AKT3: variants seen among roughly 807,000 people sequenced by gnomAD.
AKT3 encodes the protein RAC-gamma serine/threonine-protein kinase.
A neutral mutation model predicts 65.3 loss-of-function variants in AKT3; 15 were observed. The observed-to-expected ratio is 0.23, with a 90% confidence interval of 0.15 to 0.35. AKT3 has a LOEUF of 0.35. Ranked by LOEUF, AKT3 falls within the 10% of genes least tolerant of loss-of-function variation. The probability of loss-of-function intolerance (pLI) is 1.00; values close to 1 mark genes in which losing one functional copy is unlikely to be tolerated. For synonymous variants in AKT3, 206 were observed against 183.8 expected, an observed-to-expected ratio of 1.12 and a Z score of -0.98; for missense variants, 243 against 576.5, an observed-to-expected ratio of 0.42 and a Z score of 5.92.
At chr1:243,666,734 G>C (rs1191740343) in intron 3 of AKT3, among the ~76,000 whole-genome samples, 1 of 152,120 alleles carries the variant, frequency 6.6e-6, no homozygotes, top group Non-Finnish European at 1.5e-5. Context: ...AATACACCTA[G>C]ACTACCCAAC....
intron 2 of AKT3, among the ~76,000 whole-genome samples, chr1:243,722,325 C>T (rs1686961159): frequency 6.6e-6 from 1 of 152,078 alleles, no homozygotes; most frequent in Admixed American, 6.5e-5. Flanking sequence ...ATTAAAATAG[C>T]AACAACCTAA....
chr1:243,514,147 A>G (rs115992141), intron 12 of AKT3, among the ~76,000 whole-genome samples: 1 of 152,288 alleles, frequency 6.6e-6, no homozygotes, highest in Non-Finnish European at 1.5e-5. Flanking sequence ...TATCTTTCCA[A>G]TCAGAAGTTA....
At chr1:243,528,211 G>A (rs1671287668) in intron 12 of AKT3, among the ~76,000 whole-genome samples, 1 of 151,940 alleles carries the variant, frequency 6.6e-6, no homozygotes, top group South Asian at 2.1e-4. Flanking sequence ...TTTCTATGTA[G>A]CTCCAATTTC....
At chr1:243,809,877 A>T (rs1558833018) in intron 2 of AKT3, among the ~76,000 whole-genome samples, 1 of 152,180 alleles carries the variant, frequency 6.6e-6, no homozygotes, top group Non-Finnish European at 1.5e-5. Flanking sequence ...GGATTAAGAA[A>T]CTCACTCAAA....
chr1:243,569,754 C>T (rs1674421920), intron 9 of AKT3, among the ~76,000 whole-genome samples: 1 of 152,116 alleles, frequency 6.6e-6, no homozygotes, highest in Admixed American at 6.5e-5. Flanking sequence ...CATAAACTAG[C>T]AAGAAATTAA....
At chr1:243,656,240 C>T (rs1285082283) in intron 4 of AKT3, among the ~76,000 whole-genome samples, 4 of 151,752 alleles carry the variant, frequency 2.6e-5, no homozygotes, top group Non-Finnish European at 5.9e-5. Context: ...AATGGAGACC[C>T]CTATGAAACA....
intron 2 of AKT3, among the ~76,000 whole-genome samples, chr1:243,720,325 TA>T (rs1351708806): frequency 2.8e-5 from 4 of 144,982 alleles, no homozygotes; most frequent in Non-Finnish European, 6.0e-5. Flanking sequence ...AAAATAAAAA[TA>T]AAAATGGTTA....
At chr1:243,839,030 A>G (rs1157806767) in intron 2 of AKT3, among the ~76,000 whole-genome samples, 1 of 152,214 alleles carries the variant, frequency 6.6e-6, no homozygotes, top group Non-Finnish European at 1.5e-5. Context: ...CTAGTTATAC[A>G]TTATATTTTA....
chr1:243,583,175 TATATATATATATATATATATACAC>T lies in AKT3; in HGVS notation c.697-10151_697-10128del, dbSNP rs1558632283. On this transcript the variant is annotated intron_variant, in intron 8 of 13. Coordinates refer to ENST00000673466, the MANE Select transcript of AKT3 (RefSeq NM_005465.7). Reference sequence around the variant, plus strand: ...TCTTCCATGTATATGTGTGTGTATATATATATATATATATATATATACACACACACACACACACATATATCTTCC... The same window carrying T: ...TCTTCCATGTATATGTGTGTGTATATACACACACACACACATATATCTTCC... Among the ~76,000 whole-genome samples, 29 of 116,068 alleles carry T rather than the reference TATATATATATATATATATATACAC, an allele frequency of 2.5e-4. No homozygotes were observed. In the East Asian group the frequency reaches 3.9e-3, roughly 15 times the overall value. The allele number at this position is 116,068 out of a possible 152,430, so 76.1% of individuals were successfully genotyped here. A position where few individuals can be genotyped will look rare whatever the true frequency, so the allele number is the denominator to read the frequency against.
chr1:243,598,093 T>C (rs1307270704), intron 8 of AKT3, among the ~76,000 whole-genome samples: 3 of 152,222 alleles, frequency 2.0e-5, no homozygotes, highest in Admixed American at 2.0e-4. Flanking sequence ...GAGAAAATTA[T>C]GACAGTACAC....
rs562933862 is a variant in AKT3 at position 243,629,755 on chromosome 1, G to T, written c.561+7856C>A. ...TGCAGTGAGCCGAGATCGCGCCACTGCACTCCAGCCTGGGCGACTGAGTGA... is the reference window on the plus strand; with the variant it reads ...TGCAGTGAGCCGAGATCGCGCCACTTCACTCCAGCCTGGGCGACTGAGTGA... On this transcript the variant is annotated intron_variant, in intron 6 of 13. Transcript: ENST00000673466. 3.3e-5 allele frequency among the ~76,000 whole-genome samples: 5 copies of T among 152,294 alleles called. No homozygotes were observed. The East Asian group carries it at 7.7e-4, about 23-fold the overall frequency.
chr1:243,587,547 C>T (rs1675900577), intron 8 of AKT3, among the ~76,000 whole-genome samples: 2 of 152,062 alleles, frequency 1.3e-5, no homozygotes. Flanking sequence ...GGAGGTGGAG[C>T]TTGCAGTAAG....
Position 243,804,070 on chromosome 1 carries a change from C to G in AKT3, c.46+39055G>C, listed in dbSNP as rs192499918. Among the ~76,000 whole-genome samples the G allele has an allele frequency of 1.4e-3, 208 of 152,332 alleles. 2 individuals are homozygous for G. The highest frequency in any genetic ancestry group is 0.011 in the Admixed American group (163 of 15,310). On this transcript the variant is annotated intron_variant, in intron 2 of 13. Coordinates refer to ENST00000673466, the MANE Select transcript of AKT3 (RefSeq NM_005465.7). ...GACCCTTGACATCATCATCAGGGTT[C>G]TAGATCCACGCATGCCTGAGATCAG...
intron 2 of AKT3, among the ~76,000 whole-genome samples, chr1:243,757,778 T>C (rs565886423): frequency 6.6e-6 from 1 of 151,864 alleles, no homozygotes; most frequent in Non-Finnish European, 1.5e-5. Flanking sequence ...TTTTTTTTTT[T>C]CATATGGAAT....
At chr1:243,843,038 G>C in intron 2 of AKT3, 87 bp downstream of exon 2, 3 of 1,352,638 alleles carry the variant, frequency 2.2e-6, no homozygotes, top group Non-Finnish European at 3.1e-6. Context: ...CAGTTTAACA[G>C]TATCAGAAAA....
chr1:243,768,158 T>C (rs1029422203), intron 2 of AKT3, among the ~76,000 whole-genome samples: 31 of 150,276 alleles, frequency 2.1e-4, no homozygotes, highest in Non-Finnish European at 3.8e-4. Flanking sequence ...TATACATACA[T>C]ATATATAATA....
intron 1 of AKT3, among the ~76,000 whole-genome samples, chr1:243,846,637 G>A (rs1418669814): frequency 2.6e-5 from 4 of 152,086 alleles, no homozygotes; most frequent in Non-Finnish European, 5.9e-5. Flanking sequence ...AAACATTTGA[G>A]TTATTTAATT....
chr1:243,682,396 T>A (rs1683989307), intron 3 of AKT3, among the ~76,000 whole-genome samples: 1 of 152,156 alleles, frequency 6.6e-6, no homozygotes, highest in Non-Finnish European at 1.5e-5. Flanking sequence ...TTTTAAAAAC[T>A]CTGTAGGTAG....
intron 2 of AKT3, among the ~76,000 whole-genome samples, chr1:243,798,370 C>G (rs1341897071): frequency 6.7e-6 from 1 of 149,992 alleles, no homozygotes; most frequent in Non-Finnish European, 1.5e-5. Context: ...CAGGCATGCA[C>G]CACTACACCT....
Sources: gnomAD v4.1 joint callset for allele counts (sites outside exome capture counted in the v4.1 genomes callset) on GRCh38, gnomAD v4.1.1 for gene constraint, MANE v1.5 for transcripts, NCBI Gene and HGNC (gene_info 2026-07-23, HGNC 2026-07-21) for gene names.